The following KCNK13 variants were observed in gnomAD, a reference collection of about 807,000 sequenced individuals.
KCNK13 encodes the protein potassium channel subfamily K member 13.
A neutral mutation model predicts 23.4 loss-of-function variants in KCNK13; 12 were observed. The ratio of observed to expected loss-of-function variants is 0.51; its 90% CI spans 0.33 to 0.83. KCNK13 has a LOEUF of 0.83. Ranked by LOEUF, KCNK13 falls within the 40% of genes least tolerant of loss-of-function variation. The pLI, the probability that KCNK13 is intolerant of heterozygous loss-of-function variation, is 0.02. For synonymous variants in KCNK13, 231 were observed against 229.5 expected, an observed-to-expected ratio of 1.01 and a Z score of -0.06; for missense variants, 463 against 556.3, an observed-to-expected ratio of 0.83 and a Z score of 1.69.
intron 1 of KCNK13, among the ~76,000 whole-genome samples, chr14:90,112,451 G>A (rs779263107): frequency 8.5e-5 from 13 of 152,138 alleles, no homozygotes; most frequent in South Asian, 6.2e-4. Context: ...CAGTTCTTCC[G>A]TGGCTCAACT....
intron 1 of KCNK13, among the ~76,000 whole-genome samples, chr14:90,145,893 G>A (rs1038365776): frequency 5.1e-4 from 78 of 151,940 alleles, no homozygotes; most frequent in African/African-American, 1.7e-3. Context: ...CCCAAATACT[G>A]GGGGGGTGGG....
At chr14:90,083,652 C>T (rs946806345) in intron 1 of KCNK13, among the ~76,000 whole-genome samples, 19 of 152,190 alleles carry the variant, frequency 1.2e-4, no homozygotes, top group South Asian at 2.1e-4. Flanking sequence ...TGCCTTTCCA[C>T]GATGTGATGT....
chr14:90,156,443 GA>G (rs1441133879), intron 1 of KCNK13, among the ~76,000 whole-genome samples: 1 of 151,940 alleles, frequency 6.6e-6, no homozygotes, highest in African/African-American at 2.4e-5. Flanking sequence ...GAAACCAAAT[GA>G]AAAAAATAAT....
intron 1 of KCNK13, among the ~76,000 whole-genome samples, chr14:90,066,917 G>T (rs1352054656): frequency 6.6e-6 from 1 of 152,174 alleles, no homozygotes; most frequent in Non-Finnish European, 1.5e-5. Flanking sequence ...CCCATCAACG[G>T]ATGAATGAAT....
chr14:90,062,257 G>A lies in KCNK13; in HGVS notation c.52G>A (p.Ala18Thr). ...WGPGHLNEDN[A>T]RFLLLAALIV... ...CCCGGGCCACCTGAACGAGGACAACGCGCGCTTTCTGCTGCTGGCCGCGCT... is the reference window on the plus strand; with the variant it reads ...CCCGGGCCACCTGAACGAGGACAACACGCGCTTTCTGCTGCTGGCCGCGCT... Residue 18 changes from alanine (A) to threonine (T), a missense_variant, in exon 1 of 2, where the codon GCG (alanine) becomes ACG (threonine). Transcript: ENST00000282146. The surrounding 1 kb of genome is among the most constrained non-coding windows in gnomAD (Gnocchi z 4.5). 1.5e-6 allele frequency: 2 copies of A among 1,371,376 alleles called. No homozygotes were observed. Among genetic ancestry groups the A allele is most frequent in the East Asian group, 3.7e-5 (1 of 27,044 alleles). 85.0% of individuals were successfully genotyped at this position (1,371,376 alleles called of 1,614,324 possible). A position where few individuals can be genotyped will look rare whatever the true frequency, so the allele number is the denominator to read the frequency against.
intron 1 of KCNK13, among the ~76,000 whole-genome samples, chr14:90,077,082 G>A (rs1889146491): frequency 6.8e-6 from 1 of 147,576 alleles, no homozygotes; most frequent in Non-Finnish European, 1.5e-5. Context: ...GCCTCCCAAA[G>A]TGCTGGGATT....
rs1555354045 is a variant in KCNK13, at chr14:90,185,242, T to C, written c.*239T>C. 1 of 421,226 alleles carries C rather than the reference T, an allele frequency of 2.4e-6. No homozygotes were observed. The highest frequency in any genetic ancestry group is 3.5e-5 in the East Asian group (1 of 28,708). 26.1% of individuals were successfully genotyped at this position (421,226 alleles called of 1,614,324 possible). A position where few individuals can be genotyped will look rare whatever the true frequency, so the allele number is the denominator to read the frequency against. ...TTATTCTTTAAGTCTAAATTCAGTC[T>C]TTTCAAAACAAATCACAAAAGCAGC... On this transcript the variant is annotated 3_prime_UTR_variant, in exon 2 of 2. Coordinates refer to ENST00000282146, the MANE Select transcript of KCNK13 (RefSeq NM_022054.4).
chr14:90,078,656 G>C (rs1222243282), intron 1 of KCNK13, among the ~76,000 whole-genome samples: 1 of 152,062 alleles, frequency 6.6e-6, no homozygotes, highest in Non-Finnish European at 1.5e-5. Flanking sequence ...GAATACACAG[G>C]GATGTAGTTG....
intron 1 of KCNK13, among the ~76,000 whole-genome samples, chr14:90,180,944 C>A (rs1890477922): frequency 6.6e-6 from 1 of 152,200 alleles, no homozygotes; most frequent in South Asian, 2.1e-4. Flanking sequence ...ACAACCTCCA[C>A]CTCCCGGGTT....
At chr14:90,124,057 A>G (rs1033726640) in intron 1 of KCNK13, among the ~76,000 whole-genome samples, 2 of 152,204 alleles carry the variant, frequency 1.3e-5, no homozygotes, top group African/African-American at 2.4e-5. Flanking sequence ...CCAAAGAGAA[A>G]TCTGAGCTGC....
chr14:90,156,203 C>CAAAAA (rs58520501), intron 1 of KCNK13, among the ~76,000 whole-genome samples: 1 of 132,066 alleles, frequency 7.6e-6, no homozygotes. Flanking sequence ...AGAGTCTGGC[C>CAAAAA]AAAAAAAAAA....
intron 1 of KCNK13, among the ~76,000 whole-genome samples, chr14:90,163,285 C>T (rs182810122): frequency 3.2e-4 from 48 of 152,238 alleles, no homozygotes; most frequent in Non-Finnish European, 5.4e-4. Flanking sequence ...GGAAGAGAAA[C>T]GCAAGTTAGG....
intron 1 of KCNK13, among the ~76,000 whole-genome samples, chr14:90,133,819 T>C (rs1032116853): frequency 2.6e-5 from 4 of 152,068 alleles, no homozygotes; most frequent in Non-Finnish European, 5.9e-5. Context: ...CCATGATCCC[T>C]CTCCTGGGGC....
chr14:90,115,404 G>T (rs1446222433), intron 1 of KCNK13, among the ~76,000 whole-genome samples: 2 of 152,206 alleles, frequency 1.3e-5, no homozygotes, highest in East Asian at 3.8e-4. Flanking sequence ...GGATCCCCAA[G>T]AAAAATCTCC....
intron 1 of KCNK13, chr14:90,107,570 A>T: frequency 2.1e-6 from 1 of 469,930 alleles, no homozygotes; most frequent in Admixed American, 3.3e-5. Flanking sequence ...GATTGTGCAA[A>T]AGTAAAGAGT....
chr14:90,176,076 C>A (rs1033692656), intron 1 of KCNK13, among the ~76,000 whole-genome samples: 3 of 152,188 alleles, frequency 2.0e-5, no homozygotes, highest in African/African-American at 7.2e-5. Flanking sequence ...TAGGCTTCAT[C>A]TCTTAATGGG....
chr14:90,068,050 C>T (rs1011458162), intron 1 of KCNK13, among the ~76,000 whole-genome samples: 10 of 152,142 alleles, frequency 6.6e-5, no homozygotes, highest in African/African-American at 1.9e-4. Flanking sequence ...CAGGCCTCTT[C>T]TGTCTCTTGG....
intron 1 of KCNK13, among the ~76,000 whole-genome samples, chr14:90,119,857 C>T (rs540043350): frequency 3.1e-4 from 47 of 152,282 alleles, no homozygotes; most frequent in African/African-American, 9.9e-4. Context: ...ACCTTGGCAT[C>T]GCAGAGTGCT....
intron 1 of KCNK13, among the ~76,000 whole-genome samples, chr14:90,109,635 C>T (rs1239631423): frequency 1.3e-5 from 2 of 151,804 alleles, no homozygotes; most frequent in Admixed American, 6.6e-5. Flanking sequence ...AGGTCTCGAT[C>T]TCCTGACCTC....
Sources: allele counts gnomAD v4.1 joint callset (sites outside exome capture counted in the v4.1 genomes callset), GRCh38; gene constraint gnomAD v4.1.1; non-coding constraint Gnocchi (gnomAD v3.1); transcripts MANE v1.5; gene names NCBI Gene and HGNC (gene_info 2026-07-23, HGNC 2026-07-21).